BUD31: variants seen among roughly 807,000 people sequenced by gnomAD.
The protein encoded by BUD31 is BUD31 spliceosome associated protein.
In BUD31, 9 loss-of-function variants were observed where a neutral mutation model predicts 17.9. The ratio of observed to expected loss-of-function variants is 0.50; its 90% CI spans 0.30 to 0.88. BUD31 has a LOEUF of 0.88. Ranked by LOEUF, BUD31 falls within the 40% of genes least tolerant of loss-of-function variation. The pLI, the probability that BUD31 is intolerant of heterozygous loss-of-function variation, is 0.06. For synonymous variants in BUD31, 70 were observed against 64.7 expected (o/e 1.08, Z -0.39); for missense variants, 148 against 184.5 (o/e 0.80, Z 1.15).
intron 3 of BUD31, among the ~76,000 whole-genome samples, chr7:99,414,034 A>C (rs1404499906): frequency 6.6e-6 from 1 of 152,274 alleles, no homozygotes; most frequent in East Asian, 1.9e-4. Flanking sequence ...CATGTCTCAC[A>C]CATGGATGTG....
At chr7:99,411,615 G>A (rs1795186295) in intron 3 of BUD31, 4 of 439,072 alleles carry the variant, frequency 9.1e-6, no homozygotes, top group South Asian at 1.6e-5. Flanking sequence ...TTGTGAACCC[G>A]TGTCCTATGC....
At chr7:99,411,473 T>C (rs773190691) in intron 3 of BUD31, among the ~76,000 whole-genome samples, 2 of 152,242 alleles carry the variant, frequency 1.3e-5, no homozygotes, top group South Asian at 2.1e-4. Context: ...TATTTACTAT[T>C]TTGGTTAGAT....
rs1199504175 is a variant in BUD31, at chr7:99,419,528, C to T, written c.*87C>T. On this transcript the variant is annotated 3_prime_UTR_variant, in exon 6 of 6. Transcript: ENST00000222969. The stretch of plus-strand genomic sequence containing the variant: ...TTCCTGGGAGCAGCGAGCAGTGCCC[C>T]AGGCCCGAGTTGGAGCACGGTCTCT... The T allele has an allele frequency of 1.0e-5, 15 of 1,503,980 alleles. No individual in the cohort carries two copies. Among genetic ancestry groups the T allele is most frequent in the East Asian group, 6.8e-5 (3 of 44,236 alleles). 93.2% of individuals were successfully genotyped at this position (1,503,980 alleles called of 1,614,324 possible).
chr7:99,416,026 C>G, intron 3 of BUD31, 112 bp from the exon 4 acceptor site: 1 of 1,445,812 alleles, frequency 6.9e-7, no homozygotes, highest in Non-Finnish European at 9.3e-7. Context: ...CACCCACAGC[C>G]ATCCTAGTGG....
In BUD31 at chr7:99,416,266, TAGTC is replaced by T. The variant is rs1562832138; in HGVS notation, c.217+11_217+14del. ...GCGGAAAGCCATCAGCAGAGGTAAT[TAGTC>T]AGTCTCTCTTGGACTTTGAAGCTCG... On this transcript the variant is annotated splice_region_variant and intron_variant, in intron 4 of 5. Transcript: ENST00000222969. 16 of 1,613,054 alleles carry T rather than the reference TAGTC, an allele frequency of 9.9e-6. No homozygotes were observed. The highest frequency in any genetic ancestry group is 1.3e-5 in the African/African-American group (1 of 75,036).
At chr7:99,419,253 G>T in intron 5 of BUD31, 138 bp from the exon 6 acceptor site, 1 of 1,038,822 alleles carries the variant, frequency 9.6e-7, no homozygotes. Flanking sequence ...CCTGTCCAGA[G>T]CTGTCAAGGA....
intron 1 of BUD31, among the ~76,000 whole-genome samples, chr7:99,409,514 G>A (rs1328562336): frequency 6.6e-6 from 1 of 151,724 alleles, no homozygotes; most frequent in Non-Finnish European, 1.5e-5. Context: ...CAGGGCCCTC[G>A]AATTTCCCTG....
intron 3 of BUD31, among the ~76,000 whole-genome samples, 179 bp from the exon 4 acceptor site, chr7:99,415,959 A>G (rs1209834041): frequency 6.6e-6 from 1 of 152,134 alleles, no homozygotes; most frequent in East Asian, 1.9e-4. Context: ...TATTTATTTT[A>G]TTATACTAGA....
At chr7:99,416,523 G>T (rs1157827338) in intron 4 of BUD31, among the ~76,000 whole-genome samples, 1 of 151,868 alleles carries the variant, frequency 6.6e-6, no homozygotes, top group African/African-American at 2.4e-5. Flanking sequence ...GGGTTCAAGC[G>T]ATTCTCCTGT....
intron 4 of BUD31, 116 bp downstream of exon 4, chr7:99,416,376 A>G: frequency 7.3e-7 from 1 of 1,377,906 alleles, no homozygotes. Flanking sequence ...TACCACGAAA[A>G]TTAGGGGGAG....
At chr7:99,412,097 A>G (rs1795213389) in intron 3 of BUD31, 1 of 160,520 alleles carries the variant, frequency 6.2e-6, no homozygotes, top group Admixed American at 6.1e-5. Context: ...AGTAATTACT[A>G]AATTAAATCA....
rs753319435 is a variant in BUD31, at chr7:99,411,189, G to A, written c.94+3G>A. On this transcript the variant is annotated splice_donor_region_variant and intron_variant, in intron 3 of 5. Transcript: ENST00000222969. The stretch of plus-strand genomic sequence containing the variant: ...ATTAGATCAAAAGATGAGAGAAGGT[G>A]AGTAGGGGAGTTCCTGTCTGGGTGG... 1.2e-6 allele frequency: 2 copies of A among 1,612,800 alleles called. No individual in the cohort carries two copies. Among genetic ancestry groups the A allele is most frequent in the East Asian group, 4.5e-5 (2 of 44,882 alleles).
chr7:99,411,218 G>T lies in BUD31; in HGVS notation c.94+32G>T, dbSNP rs780035214. 15 of 1,560,156 alleles carry T rather than the reference G, an allele frequency of 9.6e-6. No individual in the cohort carries two copies. In the South Asian group the frequency reaches 1.7e-4, roughly 17 times the overall value. ...AGGGGAGTTCCTGTCTGGGTGGGCT[G>T]GGTCCAAGGGTCACAGGCTTAGATG... On this transcript the variant is annotated intron_variant, in intron 3 of 5. Transcript: ENST00000222969.
At chr7:99,419,359 T>G in intron 5 of BUD31, 32 bp from the exon 6 acceptor site, 1 of 1,611,878 alleles carries the variant, frequency 6.2e-7, no homozygotes, top group Non-Finnish European at 8.5e-7. Context: ...CGTGGCGCAG[T>G]GGCATCGTCT....
At chr7:99,409,773 G>GC (rs916494420) in intron 1 of BUD31, among the ~76,000 whole-genome samples, 3 of 132,974 alleles carry the variant, frequency 2.3e-5, no homozygotes, top group Non-Finnish European at 3.2e-5. Context: ...TGTGGGCGGG[G>GC]GGGGGGTGGG....
chr7:99,410,940 C>T, intron 2 of BUD31, 124 bp from the exon 3 acceptor site: 1 of 630,100 alleles, frequency 1.6e-6, no homozygotes, highest in Non-Finnish European at 2.8e-6. Context: ...AGTCTGGGTG[C>T]TGAGCCCTGT....
At chr7:99,413,197 C>T (rs1795257621) in intron 3 of BUD31, among the ~76,000 whole-genome samples, 1 of 152,042 alleles carries the variant, frequency 6.6e-6, no homozygotes, top group African/African-American at 2.4e-5. Flanking sequence ...AATAGAATGG[C>T]TTAAAAGCTG....
chr7:99,416,116 C>G (rs746328877), intron 3 of BUD31, 22 bp from the exon 4 acceptor site: 3 of 1,612,054 alleles, frequency 1.9e-6, no homozygotes, highest in Middle Eastern at 1.7e-4. Context: ...TTCCCCCAAA[C>G]ACACTCTTTG....
chr7:99,419,514 A>G lies in BUD31; in HGVS notation c.*73A>G. The G allele has an allele frequency of 6.4e-7, 1 of 1,565,110 alleles. No homozygotes were observed. The highest frequency in any genetic ancestry group is 8.7e-7 in the Non-Finnish European group (1 of 1,144,726). ...GTCACGCCACCCCCTTCCTGGGAGC[A>G]GCGAGCAGTGCCCCAGGCCCGAGTT... On this transcript the variant is annotated 3_prime_UTR_variant, in exon 6 of 6. Coordinates refer to ENST00000222969, the MANE Select transcript of BUD31 (RefSeq NM_003910.4).
Sources: gnomAD v4.1 joint callset for allele counts (sites outside exome capture counted in the v4.1 genomes callset) on GRCh38, gnomAD v4.1.1 for gene constraint, MANE v1.5 for transcripts, NCBI Gene and HGNC (gene_info 2026-07-23, HGNC 2026-07-21) for gene names.